The following SLC35F1 variants were observed in gnomAD, a reference collection of about 807,000 sequenced individuals.
SLC35F1 encodes solute carrier family 35 member F1, also known as chromosome 6 open reading frame 169.
SLC35F1 carries 14 observed loss-of-function variants against 48.7 expected under a neutral mutation model. The ratio of observed to expected loss-of-function variants is 0.29; its 90% confidence interval spans 0.19 to 0.45. The LOEUF (loss-of-function observed/expected upper bound fraction) is 0.45, where lower values mean the gene tolerates loss of function less well. SLC35F1 is among the 20% of genes least tolerant of loss of function. The pLI is 1.00. For missense variants in SLC35F1, 404 were observed against 500.0 expected (o/e 0.81, Z 1.83); for synonymous variants, 190 against 202.2 (o/e 0.94, Z 0.51).
intron 2 of SLC35F1, among the ~76,000 whole-genome samples, chr6:118,182,246 G>T (rs1476158358): frequency 6.6e-6 from 1 of 152,152 alleles, no homozygotes; most frequent in East Asian, 1.9e-4. Context: ...ATCACTTTGG[G>T]AAGCTGAGGT....
intron 1 of SLC35F1, among the ~76,000 whole-genome samples, chr6:117,991,264 G>GT (rs1207512367): frequency 6.6e-6 from 1 of 151,598 alleles, no homozygotes; most frequent in African/African-American, 2.4e-5. Context: ...ATTGCTTTTA[G>GT]TTTTTTTAAT....
intron 2 of SLC35F1, among the ~76,000 whole-genome samples, chr6:118,155,842 A>G (rs751841598): frequency 6.6e-6 from 1 of 152,230 alleles, no homozygotes; most frequent in African/African-American, 2.4e-5. Context: ...ATCAATTTCA[A>G]TAGTCACACT....
intron 1 of SLC35F1, among the ~76,000 whole-genome samples, chr6:117,966,232 T>C (rs1776568001): frequency 7.0e-6 from 1 of 142,432 alleles, no homozygotes; most frequent in Non-Finnish European, 1.5e-5. Flanking sequence ...TCGCAATAAA[T>C]CTTGCTGCTG....
chr6:118,163,543 T>C (rs1774272132), intron 2 of SLC35F1, among the ~76,000 whole-genome samples: 3 of 152,142 alleles, frequency 2.0e-5, no homozygotes, highest in Admixed American at 1.3e-4. Flanking sequence ...GCATATAAGC[T>C]CAAGGGGAGA....
intron 1 of SLC35F1, among the ~76,000 whole-genome samples, chr6:118,064,719 T>G (rs1772589222): frequency 6.6e-6 from 1 of 152,224 alleles, no homozygotes; most frequent in African/African-American, 2.4e-5. Context: ...GAGCTTGTAT[T>G]CTAAACTTTG....
At chr6:117,908,385 T>G (rs1334769998) in intron 1 of SLC35F1, among the ~76,000 whole-genome samples, 1 of 152,066 alleles carries the variant, frequency 6.6e-6, no homozygotes, top group African/African-American at 2.4e-5. Context: ...GCCGGGGGAA[T>G]GGGGTCGCAG....
chr6:118,221,975 G>GT (rs59313229), intron 2 of SLC35F1, among the ~76,000 whole-genome samples: 141,816 of 152,040 alleles, frequency 0.93, 66,206 homozygotes, highest in East Asian at 0.98. Context: ...TTTTTTTATA[G>GT]TTTTTTTGGG....
chr6:117,943,332 A>G (rs192619052), intron 1 of SLC35F1, among the ~76,000 whole-genome samples: 1 of 152,328 alleles, frequency 6.6e-6, no homozygotes, highest in East Asian at 1.9e-4. Flanking sequence ...GCCCTAGCTT[A>G]TAAGTCGGAA....
chr6:117,949,655 C>T (rs1263351505), intron 1 of SLC35F1, among the ~76,000 whole-genome samples: 1 of 152,122 alleles, frequency 6.6e-6, no homozygotes, highest in Admixed American at 6.5e-5. Flanking sequence ...ATGTAATTAT[C>T]GCCTTCAGGT....
intron 7 of SLC35F1, among the ~76,000 whole-genome samples, chr6:118,294,148 A>G (rs1365579506): frequency 1.3e-5 from 2 of 152,204 alleles, no homozygotes; most frequent in Non-Finnish European, 1.5e-5. Context: ...TTTTTGGACT[A>G]TTAACCTTAT....
intron 1 of SLC35F1, among the ~76,000 whole-genome samples, chr6:117,971,141 A>G (rs9398468): frequency 0.21 from 32,320 of 152,166 alleles, 3,638 homozygotes; most frequent in East Asian, 0.33. Flanking sequence ...CATTGGGTAA[A>G]TACACCCATT....
intron 1 of SLC35F1, among the ~76,000 whole-genome samples, chr6:118,115,116 G>A (rs975336845): frequency 2.6e-5 from 4 of 152,166 alleles, no homozygotes; most frequent in African/African-American, 9.7e-5. Context: ...TGGTCCAGCA[G>A]AGTGTTCAGG....
chr6:118,040,336 A>G (rs1217315780), intron 1 of SLC35F1, among the ~76,000 whole-genome samples: 4 of 152,184 alleles, frequency 2.6e-5, no homozygotes, highest in Non-Finnish European at 5.9e-5. Flanking sequence ...GTGTTTCTCC[A>G]GGTTTTGTCT....
At chr6:118,284,059 G>A (rs1776020587) in intron 6 of SLC35F1, among the ~76,000 whole-genome samples, 1 of 152,022 alleles carries the variant, frequency 6.6e-6, no homozygotes, top group African/African-American at 2.4e-5. Flanking sequence ...CTTTCATATG[G>A]AACGATGATT....
At chr6:118,048,738 T>G (rs1772338274) in intron 1 of SLC35F1, among the ~76,000 whole-genome samples, 1 of 152,120 alleles carries the variant, frequency 6.6e-6, no homozygotes, top group South Asian at 2.1e-4. Context: ...GGAAGAACAT[T>G]CCATGCTCAT....
intron 1 of SLC35F1, among the ~76,000 whole-genome samples, chr6:117,941,825 C>A (rs1776237318): frequency 6.6e-6 from 1 of 152,188 alleles, no homozygotes; most frequent in African/African-American, 2.4e-5. Flanking sequence ...CTCCCCCAAT[C>A]CCCGATGTGG....
At chr6:117,920,633 G>C (rs1775885823) in intron 1 of SLC35F1, among the ~76,000 whole-genome samples, 1 of 152,182 alleles carries the variant, frequency 6.6e-6, no homozygotes, top group East Asian at 1.9e-4. Context: ...TGGCAGCTGG[G>C]TCAGGGGGTT....
At chr6:118,207,015 T>G (rs1774944656) in intron 2 of SLC35F1, among the ~76,000 whole-genome samples, 2 of 152,220 alleles carry the variant, frequency 1.3e-5, no homozygotes, top group South Asian at 4.1e-4. Context: ...GAATGAAGGC[T>G]TCCTTTCCTT....
At chr6:118,182,063 G>C (rs187735903) in intron 2 of SLC35F1, among the ~76,000 whole-genome samples, 107 of 152,198 alleles carry the variant, frequency 7.0e-4, no homozygotes, top group African/African-American at 2.5e-3. Flanking sequence ...TTTCTGTTAT[G>C]TCTTTGTTTT....
Sources: allele counts gnomAD v4.1 joint callset (sites outside exome capture counted in the v4.1 genomes callset), GRCh38; gene constraint gnomAD v4.1.1; transcripts MANE v1.5; gene names NCBI Gene and HGNC (gene_info 2026-07-23, HGNC 2026-07-21).